The following CASQ2 variants were observed in gnomAD, a reference collection of about 807,000 sequenced individuals.
The protein encoded by CASQ2 is calsequestrin-2.
Under a neutral mutation model 46.5 loss-of-function variants are expected in CASQ2, and 49 were observed. The observed-to-expected ratio is 1.05, with a 90% CI of 0.84 to 1.34. The LOEUF (loss-of-function observed/expected upper bound fraction) is 1.34. Ranked by LOEUF, CASQ2 falls within the 40% of genes most tolerant of loss-of-function variation. The probability of loss-of-function intolerance (pLI) is 0.00; values close to 1 mark genes in which losing one functional copy is unlikely to be tolerated. For missense variants in CASQ2, 486 were observed against 481.3 expected (o/e 1.01, Z -0.09); for synonymous variants, 174 against 168.5 (o/e 1.03, Z -0.25).
intron 8 of CASQ2, among the ~76,000 whole-genome samples, chr1:115,711,571 T>A (rs1654544735): frequency 6.8e-6 from 1 of 147,676 alleles, no homozygotes; most frequent in Non-Finnish European, 1.5e-5. Context: ...TCCACCCCCA[T>A]CAAACTCTTA....
At chr1:115,704,359 A>G (rs1654298868) in intron 9 of CASQ2, among the ~76,000 whole-genome samples, 1 of 152,230 alleles carries the variant, frequency 6.6e-6, no homozygotes, top group African/African-American at 2.4e-5. Flanking sequence ...AGATTGGAAT[A>G]TCACATCTAT....
At chr1:115,729,986 A>G (rs1026578248) in intron 5 of CASQ2, among the ~76,000 whole-genome samples, 1 of 152,222 alleles carries the variant, frequency 6.6e-6, no homozygotes, top group East Asian at 1.9e-4. Flanking sequence ...TGTGAGGTGC[A>G]GCAGAGTGGA....
chr1:115,701,321 C>T lies in CASQ2; in HGVS notation c.1120G>A (p.Asp374Asn), dbSNP rs886045159. The change falls in exon 11 of 11, where the codon GAT becomes AAT. Residue 374 changes from aspartate to asparagine, a missense_variant. Physicochemically the swap from Asp to Asn is conservative, Grantham distance 23. Coordinates refer to ENST00000261448, the MANE Select transcript of CASQ2 (RefSeq NM_001232.4). ...TCATCATCATCATCTTCATCATCAT[C>T]TTCAGTGTTTATCTTTCCAGAAAGC... ...DVLSGKINTE[D>N]DDEDDDDDDN... 1 of 1,608,470 alleles carries T rather than the reference C, an allele frequency of 6.2e-7. No homozygotes were observed. Among genetic ancestry groups the T allele is most frequent in the Non-Finnish European group, 8.5e-7 (1 of 1,174,872 alleles).
intron 10 of CASQ2, 47 bp from the exon 11 acceptor site, chr1:115,701,473 G>T: frequency 8.0e-7 from 1 of 1,247,130 alleles, no homozygotes; most frequent in Non-Finnish European, 1.2e-6. Context: ...CATGAGGGCT[G>T]AACCAGACCA....
At chr1:115,749,759 G>A (rs972560410) in intron 1 of CASQ2, among the ~76,000 whole-genome samples, 4 of 152,178 alleles carry the variant, frequency 2.6e-5, no homozygotes, top group African/African-American at 9.7e-5. Flanking sequence ...CTCACATTTG[G>A]CTTGGCCTTG....
chr1:115,728,711 T>G (rs894419736), intron 5 of CASQ2, among the ~76,000 whole-genome samples: 1 of 152,192 alleles, frequency 6.6e-6, no homozygotes, highest in Non-Finnish European at 1.5e-5. Flanking sequence ...TCACTTTGAT[T>G]GTATGTGGTA....
At chr1:115,743,284 G>A (rs1288884451) in intron 2 of CASQ2, among the ~76,000 whole-genome samples, 1 of 151,680 alleles carries the variant, frequency 6.6e-6, no homozygotes, top group African/African-American at 2.4e-5. Context: ...TGCCCAGGCT[G>A]TAGTGCAGTG....
rs1305942907 is a variant in CASQ2, at chr1:115,700,842, G to T, written c.*399C>A. 3.6e-6 allele frequency: 2 copies of T among 550,234 alleles called. No individual in the cohort carries two copies. Among genetic ancestry groups the T allele is most frequent in the African/African-American group, 3.8e-5 (2 of 53,180 alleles). The allele number at this position is 550,234 out of a possible 1,614,324, so 34.1% of individuals were successfully genotyped here. A position where few individuals can be genotyped will look rare whatever the true frequency, so the allele number is the denominator to read the frequency against. On this transcript the variant is annotated 3_prime_UTR_variant, in exon 11 of 11. Coordinates refer to ENST00000261448, the MANE Select transcript of CASQ2 (RefSeq NM_001232.4). ...GTCTTCCCTGGGCTCTGATTAAAAG[G>T]TCACTCTATGCCTGTGAGTTAGAAA...
At chr1:115,765,696 C>A (rs1342451976) in intron 1 of CASQ2, among the ~76,000 whole-genome samples, 1 of 151,928 alleles carries the variant, frequency 6.6e-6, no homozygotes, top group Non-Finnish European at 1.5e-5. Flanking sequence ...TATACTGGGT[C>A]ATAGTCGGTT....
At chr1:115,709,587 C>T (rs1438955196) in intron 8 of CASQ2, among the ~76,000 whole-genome samples, 1 of 152,164 alleles carries the variant, frequency 6.6e-6, no homozygotes, top group Non-Finnish European at 1.5e-5. Context: ...ATCAGAAAAG[C>T]ATCAGTTCTC....
chr1:115,747,146 A>T (rs1367909701), intron 1 of CASQ2, among the ~76,000 whole-genome samples: 1 of 152,162 alleles, frequency 6.6e-6, no homozygotes, highest in Non-Finnish European at 1.5e-5. Flanking sequence ...ATTCACTTTG[A>T]TAAAATTTAA....
At chr1:115,721,906 C>A (rs954433595) in intron 7 of CASQ2, among the ~76,000 whole-genome samples, 25 of 152,312 alleles carry the variant, frequency 1.6e-4, no homozygotes, top group African/African-American at 5.3e-4. Context: ...GGTCACTTTC[C>A]ACAACCACAT....
chr1:115,745,191 T>C (rs1648345012), intron 1 of CASQ2, among the ~76,000 whole-genome samples: 1 of 152,086 alleles, frequency 6.6e-6, no homozygotes. Flanking sequence ...TTTCTGCCCT[T>C]GGAGTAGATA....
chr1:115,756,465 A>C (rs998425059), intron 1 of CASQ2, among the ~76,000 whole-genome samples: 1 of 152,218 alleles, frequency 6.6e-6, no homozygotes, highest in African/African-American at 2.4e-5. Flanking sequence ...AATTATGCAA[A>C]AATACTCTGC....
chr1:115,765,121 C>T (rs917917543), intron 1 of CASQ2, among the ~76,000 whole-genome samples: 1 of 152,202 alleles, frequency 6.6e-6, no homozygotes, highest in African/African-American at 2.4e-5. Flanking sequence ...TGATAAACTT[C>T]TAAGTTGCTG....
In CASQ2 at chr1:115,701,306, C is replaced by T; in HGVS notation, c.1135G>A (p.Asp379Asn). Reference protein sequence around the residue: ...KINTEDDDEDDDDDDNSDEED... With the variant: ...KINTEDDDEDNDDDDNSDEED... ...TCATCAGAATTATCATCATCATCAT[C>T]ATCTTCATCATCATCTTCAGTGTTT... The change falls in exon 11 of 11, where the codon GAT becomes AAT. Residue 379 changes from aspartate (D) to asparagine (N), a missense_variant. Coordinates refer to ENST00000261448, the MANE Select transcript of CASQ2 (RefSeq NM_001232.4). The T allele has an allele frequency of 6.3e-7, 1 of 1,599,244 alleles. No homozygotes were observed. Among genetic ancestry groups the T allele is most frequent in the South Asian group, 1.1e-5 (1 of 90,730 alleles).
In CASQ2 at chr1:115,703,709, G is replaced by A. The variant is rs552353460; in HGVS notation, c.940-714C>T. Among the ~76,000 whole-genome samples the A allele has an allele frequency of 1.1e-3, 167 of 152,232 alleles. 2 individuals are homozygous for A. Among genetic ancestry groups the A allele is most frequent in the African/African-American group, 4.0e-3 (165 of 41,556 alleles). ...CTTTGGGACTGGAGTCCAGGAGTTT[G>A]AAACCAGCCTGAGCAACATAGTAAG... On this transcript the variant is annotated intron_variant, in intron 9 of 10. Coordinates refer to ENST00000261448, the MANE Select transcript of CASQ2 (RefSeq NM_001232.4).
intron 1 of CASQ2, among the ~76,000 whole-genome samples, chr1:115,758,506 T>A (rs1170099292): frequency 1.3e-5 from 2 of 152,162 alleles, no homozygotes; most frequent in Admixed American, 6.5e-5. Flanking sequence ...GGTGCTGTAG[T>A]TTGGACGTTT....
intron 1 of CASQ2, among the ~76,000 whole-genome samples, chr1:115,754,502 A>T (rs1324279732): frequency 6.6e-6 from 1 of 152,156 alleles, no homozygotes; most frequent in African/African-American, 2.4e-5. Flanking sequence ...ACTGCCTTAC[A>T]AGAATTATCT....
Sources: allele counts gnomAD v4.1 joint callset (sites outside exome capture counted in the v4.1 genomes callset), GRCh38; gene constraint gnomAD v4.1.1; transcripts MANE v1.5; gene names NCBI Gene and HGNC (gene_info 2026-07-23, HGNC 2026-07-21).